Variants in GCNT1 observed in about 807,000 individuals in gnomAD.
The protein encoded by GCNT1 is glucosaminyl (N-acetyl) transferase 1, also known as beta-1,3-galactosyl-O-glycosyl-glycoprotein beta-1,6-N-acetylglucosaminyltransferase.
Under a neutral mutation model 26.2 loss-of-function variants are expected in GCNT1, and 16 were observed. The ratio of observed to expected loss-of-function variants is 0.61; its 90% CI spans 0.41 to 0.93. The LOEUF is 0.93. Among genes scored for constraint, GCNT1 ranks in the 40% least tolerant of loss-of-function variants. The pLI is 0.00. For missense variants in GCNT1, 477 were observed against 526.7 expected (o/e 0.91, Z 0.92); for synonymous variants, 183 against 190.8 (o/e 0.96, Z 0.34).
chr9:76,486,953 A>G (rs1824596852), intron 2 of GCNT1, among the ~76,000 whole-genome samples: 1 of 152,208 alleles, frequency 6.6e-6, no homozygotes, highest in South Asian at 2.1e-4. Flanking sequence ...AACTAGATCT[A>G]AATTTTTAGC....
At chr9:76,467,812 G>A (rs1426730325) in intron 2 of GCNT1, among the ~76,000 whole-genome samples, 2 of 151,894 alleles carry the variant, frequency 1.3e-5, no homozygotes, top group Admixed American at 6.6e-5. Context: ...CAGTCCTTTG[G>A]GGGTGTTGAA....
chr9:76,393,869 C>T, the GCNT1 span: 2 of 551,244 alleles, frequency 3.6e-6, no homozygotes, highest in African/African-American at 4.0e-5. Context: ...CTCACCACCC[C>T]TCAACCCCGT....
At chr9:76,496,537 T>A (rs1333214928) in intron 2 of GCNT1, among the ~76,000 whole-genome samples, 1 of 152,142 alleles carries the variant, frequency 6.6e-6, no homozygotes, top group African/African-American at 2.4e-5. Flanking sequence ...ATCTTCCCAC[T>A]CCATTAAGCA....
chr9:76,495,353 CA>C (rs1335274814), intron 2 of GCNT1, among the ~76,000 whole-genome samples: 1 of 152,126 alleles, frequency 6.6e-6, no homozygotes, highest in African/African-American at 2.4e-5. Flanking sequence ...AGTGAAGCCG[CA>C]GACCTTTGCG....
Position 76,503,226 on chromosome 9 carries a change from T to C in GCNT1, c.845T>C (p.Leu282Pro). 1 of 1,614,156 alleles carries C rather than the reference T, an allele frequency of 6.2e-7. No homozygotes were observed. Among genetic ancestry groups the C allele is most frequent in the Non-Finnish European group, 8.5e-7 (1 of 1,180,018 alleles). Reference protein sequence around the residue: ...VKMLPPLETPLFSGSAYFVVS... With the variant: ...VKMLPPLETPPFSGSAYFVVS... ...ATGCTTCCTCCACTCGAAACACCTC[T>C]CTTTTCTGGCAGTGCCTACTTCGTG... The change falls in exon 4 of 4, where the codon CTC becomes CCC. Residue 282 changes from leucine (L) to proline (P), a missense_variant. Coordinates refer to ENST00000376730, the MANE Select transcript of GCNT1 (RefSeq NM_001490.5).
At chr9:76,497,417 C>G (rs1824937411) in intron 2 of GCNT1, among the ~76,000 whole-genome samples, 1 of 152,128 alleles carries the variant, frequency 6.6e-6, no homozygotes, top group Non-Finnish European at 1.5e-5. Context: ...AATTACAATT[C>G]CTTCGAATGA....
At chr9:76,468,151 C>T (rs1824048283) in intron 2 of GCNT1, among the ~76,000 whole-genome samples, 1 of 152,082 alleles carries the variant, frequency 6.6e-6, no homozygotes, top group Non-Finnish European at 1.5e-5. Context: ...CCTGCCTGGG[C>T]CTCCCGAAGT....
upstream of GCNT1, among the ~76,000 whole-genome samples, chr9:76,454,837 CTTTTCTTTTTTT>C (rs1394166771): frequency 3.3e-5 from 4 of 120,072 alleles, no homozygotes; most frequent in Non-Finnish European, 7.3e-5. Flanking sequence ...AACCTCTTTT[CTTTTCTTTTTTT>C]TTTTTTTTTT....
At position 76,485,267 on chromosome 9, in the gene GCNT1, G is replaced by A. The variant is rs1026070039; in HGVS notation, c.-289-15649G>A. On this transcript the variant is annotated intron_variant, in intron 2 of 3. Coordinates refer to ENST00000376730, the MANE Select transcript of GCNT1 (RefSeq NM_001490.5). ...GGCTCACTTCAACCTCCACCTCCCA[G>A]GTTCAAGTGATTATCCTGCCTTAGC... Among the ~76,000 whole-genome samples the A allele has an allele frequency of 3.9e-5, 6 of 152,092 alleles. No homozygotes were observed. In the East Asian group the frequency reaches 1.2e-3, roughly 29 times the overall value.
At chr9:76,483,757 C>G (rs1486885625) in intron 2 of GCNT1, among the ~76,000 whole-genome samples, 1 of 152,098 alleles carries the variant, frequency 6.6e-6, no homozygotes, top group Non-Finnish European at 1.5e-5. Context: ...CAACCAAAAC[C>G]CTCCACCACA....
chr9:76,415,965 A>G (rs1000390509), upstream of GCNT1, among the ~76,000 whole-genome samples: 1 of 152,154 alleles, frequency 6.6e-6, no homozygotes, highest in Admixed American at 6.6e-5. Flanking sequence ...ATTGATATGG[A>G]CAGGAGGCAG....
At chr9:76,404,677 C>T in the GCNT1 span, among the ~76,000 whole-genome samples, 4 of 152,092 alleles carry the variant, frequency 2.6e-5, no homozygotes, top group South Asian at 8.3e-4. Flanking sequence ...AGTCCAGCTA[C>T]CCTTCTAGAG....
rs374781585 is a variant in GCNT1, at chr9:76,465,155, G to GTTTT, written c.-290+4988_-290+4991dup. Among the ~76,000 whole-genome samples the GTTTT allele has an allele frequency of 2.4e-4, 35 of 145,034 alleles. 1 individual carries two copies. Among genetic ancestry groups the GTTTT allele is most frequent in the Non-Finnish European group, 1.8e-4 (12 of 66,008 alleles). On this transcript the variant is annotated intron_variant, in intron 2 of 3. Transcript: ENST00000376730. ...CCTGCTGTGCCTGACTCTGATTTGA[G>GTTTT]TTTTTTTTTTTTTATTTTTTTTTAG...
At chr9:76,413,628 C>A in the GCNT1 span, among the ~76,000 whole-genome samples, 38 of 147,416 alleles carry the variant, frequency 2.6e-4, no homozygotes, top group Non-Finnish European at 4.9e-4. Context: ...ATATGATATG[C>A]CTAGGGTTTT....
the GCNT1 span, among the ~76,000 whole-genome samples, chr9:76,394,773 G>T: frequency 0.25 from 37,877 of 152,084 alleles, 5,492 homozygotes; most frequent in East Asian, 0.59. Flanking sequence ...TAACAATCCG[G>T]AAGCCAAAGT....
At chr9:76,459,015 G>C (rs970065204), upstream of GCNT1, 1 of 152,330 alleles carries the variant, frequency 6.6e-6, no homozygotes, top group Admixed American at 6.5e-5. Flanking sequence ...GGATCGCAGC[G>C]CTACTCCCAG....
chr9:76,502,372 A>G lies in GCNT1; in HGVS notation c.-10A>G. 2 of 1,592,260 alleles carry G rather than the reference A, an allele frequency of 1.3e-6. No homozygotes were observed. The highest frequency in any genetic ancestry group is 1.7e-5 in the Admixed American group (1 of 59,134). On this transcript the variant is annotated 5_prime_UTR_variant, in exon 4 of 4. Transcript: ENST00000376730. Reference sequence around the variant, plus strand: ...CCCTTCACAAAGGAAATCCCTGATTATTGTTTGAAATGCTGAGGACGTTGC... The same window carrying G: ...CCCTTCACAAAGGAAATCCCTGATTGTTGTTTGAAATGCTGAGGACGTTGC...
upstream of GCNT1, among the ~76,000 whole-genome samples, chr9:76,416,673 C>T (rs1275931768): frequency 1.3e-5 from 2 of 152,186 alleles, no homozygotes; most frequent in African/African-American, 2.4e-5. Context: ...AGTCTCACTA[C>T]GTATTTAACT....
At chr9:76,477,444 T>G (rs1824279646) in intron 2 of GCNT1, among the ~76,000 whole-genome samples, 1 of 151,730 alleles carries the variant, frequency 6.6e-6, no homozygotes, top group Admixed American at 6.6e-5. Context: ...GAGAATTGCT[T>G]GAACCTGGGA....
Sources: gnomAD v4.1 joint callset for allele counts (sites outside exome capture counted in the v4.1 genomes callset) on GRCh38, gnomAD v4.1.1 for gene constraint, MANE v1.5 for transcripts, NCBI Gene and HGNC (gene_info 2026-07-23, HGNC 2026-07-21) for gene names.